Variants in GBF1 observed in about 807,000 individuals in gnomAD.
The protein encoded by GBF1 is golgi brefeldin A resistant guanine nucleotide exchange factor 1.
A neutral mutation model predicts 210.5 loss-of-function variants in GBF1; 114 were observed. The ratio of observed to expected loss-of-function variants is 0.54; its 90% CI spans 0.47 to 0.63. The LOEUF is 0.63. GBF1 is among the 30% of genes least tolerant of loss of function. The pLI, the probability that GBF1 is intolerant of heterozygous loss-of-function variation, is 0.00. For synonymous variants in GBF1, 850 were observed against 889.2 expected (o/e 0.96, Z 0.78); for missense variants, 1,851 against 2,357.7 (o/e 0.79, Z 4.45).
rs1464443059 is a variant in GBF1, at chr10:102,366,837, C to T, written c.2434-248C>T. On this transcript the variant is annotated intron_variant, in intron 19 of 39. Transcript: ENST00000369983. The surrounding 1 kb of genome is among the most constrained non-coding windows in gnomAD (Gnocchi z 4.0). ...CTGATCTCGGGTGATCCGCCCACCT[C>T]GGCCTCCCTGAGTGCTGGGATTACA... is the stretch of plus-strand genomic sequence containing the variant. Among the ~76,000 whole-genome samples, 1 of 152,104 alleles carries T rather than the reference C, an allele frequency of 6.6e-6. No individual in the cohort carries two copies. The highest frequency in any genetic ancestry group is 2.1e-4 in the South Asian group (1 of 4,836).
At chr10:102,297,304 T>C (rs1304339615) in intron 3 of GBF1, among the ~76,000 whole-genome samples, 4 of 152,236 alleles carry the variant, frequency 2.6e-5, no homozygotes, top group Non-Finnish European at 5.9e-5. Context: ...TGTTGCTAAG[T>C]AGCTGTGACA....
intron 11 of GBF1, 47 bp from the exon 12 acceptor site, chr10:102,360,137 G>C (rs745556627): frequency 8.3e-7 from 1 of 1,205,720 alleles, no homozygotes; most frequent in East Asian, 2.3e-5. Context: ...AAAGCCAGCA[G>C]ACTAGTTGTT....
intron 3 of GBF1, among the ~76,000 whole-genome samples, chr10:102,325,689 A>C (rs1285369310): frequency 6.6e-6 from 1 of 151,790 alleles, no homozygotes; most frequent in African/African-American, 2.4e-5. Context: ...TCACTCTGTC[A>C]CCCAGGCTGG....
At chr10:102,361,466 G>A (rs1004407969) in intron 13 of GBF1, among the ~76,000 whole-genome samples, 1 of 152,218 alleles carries the variant, frequency 6.6e-6, no homozygotes, top group African/African-American at 2.4e-5. Flanking sequence ...ACCAGGTCAT[G>A]TTCACATAGC....
At position 102,245,560 on chromosome 10, in the gene GBF1, A is replaced by G. The variant is rs900828433; in HGVS notation, c.-232A>G. 2.6e-5 allele frequency: 4 copies of G among 152,248 alleles called. No individual in the cohort carries two copies. Among genetic ancestry groups the G allele is most frequent in the Admixed American group, 6.5e-5 (1 of 15,290 alleles). The allele number at this position is 152,248 out of a possible 1,614,324, so 9.4% of individuals were successfully genotyped here. On this transcript the variant is annotated 5_prime_UTR_variant, in exon 1 of 40. Transcript: ENST00000369983. The stretch of plus-strand genomic sequence containing the variant: ...TACCACGTCAGTGAGCTGACAGGGA[A>G]GGTACCCGGCTCTACTGCCCGTCCC...
At chr10:102,380,095 G>A (rs527494953) in intron 36 of GBF1, 141 bp downstream of exon 36, 15 of 728,412 alleles carry the variant, frequency 2.1e-5, no homozygotes, top group South Asian at 1.9e-4. Context: ...CAGGACCTAG[G>A]GACCTGAGAG....
chr10:102,338,118 C>T (rs1347181647), intron 3 of GBF1, among the ~76,000 whole-genome samples: 1 of 151,614 alleles, frequency 6.6e-6, no homozygotes, highest in Non-Finnish European at 1.5e-5. Context: ...CTGGTGGGCT[C>T]ATTAAAAAGT....
intron 29 of GBF1, among the ~76,000 whole-genome samples, chr10:102,375,103 G>A (rs771891184): frequency 3.3e-5 from 5 of 151,776 alleles, no homozygotes; most frequent in African/African-American, 4.8e-5. Flanking sequence ...GAGCCCAGGA[G>A]TTTCAGGTTG....
intron 3 of GBF1, among the ~76,000 whole-genome samples, chr10:102,283,155 A>G (rs1460152490): frequency 6.6e-6 from 1 of 152,238 alleles, no homozygotes; most frequent in African/African-American, 2.4e-5. Context: ...ACTTCAACCT[A>G]AGATGACAGA....
the GBF1 span, among the ~76,000 whole-genome samples, chr10:102,240,063 A>G: frequency 3.3e-5 from 5 of 152,216 alleles, no homozygotes; most frequent in Non-Finnish European, 5.9e-5. Flanking sequence ...TGCTTTGCTA[A>G]TGGGGCTGTA....
At chr10:102,260,307 A>G (rs1026936717) in intron 3 of GBF1, among the ~76,000 whole-genome samples, 191 bp downstream of exon 3, 1 of 151,950 alleles carries the variant, frequency 6.6e-6, no homozygotes, top group African/African-American at 2.4e-5. Flanking sequence ...TATATAAATA[A>G]ATGAGAAATA....
intron 3 of GBF1, among the ~76,000 whole-genome samples, chr10:102,332,193 T>C (rs1354653184): frequency 1.3e-5 from 2 of 152,014 alleles, no homozygotes; most frequent in East Asian, 3.9e-4. Context: ...CTAGATTACT[T>C]GTAATGCCTA....
In GBF1 at chr10:102,382,479, AT is replaced by A. The variant is rs1373561140; in HGVS notation, c.*144del. On this transcript the variant is annotated 3_prime_UTR_variant, in exon 40 of 40. Transcript: ENST00000369983. ...CTTGGATGGGGACCTGAAAAAGAGA[AT>A]GTTGATAGCCCCAGCTAAGACCCCC... The A allele has an allele frequency of 4.4e-6, 3 of 681,292 alleles. No homozygotes were observed. Among genetic ancestry groups the A allele is most frequent in the Non-Finnish European group, 7.3e-6 (3 of 412,970 alleles). The allele number at this position is 681,292 out of a possible 1,614,324, so 42.2% of individuals were successfully genotyped here.
chr10:102,382,022 G>C (rs747043012), intron 39 of GBF1, 34 bp from the exon 40 acceptor site: 1 of 1,512,582 alleles, frequency 6.6e-7, no homozygotes, highest in South Asian at 1.3e-5. Context: ...ACCAACAAGG[G>C]AATCTGACTG....
intron 3 of GBF1, among the ~76,000 whole-genome samples, chr10:102,335,436 T>A (rs2057663083): frequency 6.6e-6 from 1 of 152,216 alleles, no homozygotes; most frequent in South Asian, 2.1e-4. Context: ...ATGAGCAGAA[T>A]CATGGCACTT....
At chr10:102,342,393 A>ACACACACACACACACT (rs1334610916) in intron 3 of GBF1, among the ~76,000 whole-genome samples, 1 of 151,430 alleles carries the variant, frequency 6.6e-6, no homozygotes, top group Admixed American at 6.6e-5. Context: ...ACACACGCAC[A>ACACACACACACACACT]CACACACACA....
At position 102,360,279 on chromosome 10, in the gene GBF1, G is replaced by T; in HGVS notation, c.1276G>T (p.Val426Phe). The T allele has an allele frequency of 6.2e-7, 1 of 1,613,868 alleles. No individual in the cohort carries two copies. Among genetic ancestry groups the T allele is most frequent in the Non-Finnish European group, 8.5e-7 (1 of 1,179,788 alleles). Reference sequence around the variant, plus strand: ...TCCACACGACCGCCATAACTCAGAGGTTATGATTCACATGGGACTGCATTT... The same window carrying T: ...TCCACACGACCGCCATAACTCAGAGTTTATGATTCACATGGGACTGCATTT... ...TNPHDRHNSE[V>F]MIHMGLHLLT... The change falls in exon 12 of 40, where the codon GTT (valine) becomes TTT (phenylalanine). Residue 426 changes from valine (V) to phenylalanine (F), a missense_variant. This residue lies in a region of GBF1 where 804 missense variants were observed against 958.6 expected (regional missense o/e 0.84). Transcript: ENST00000369983.
chr10:102,259,094 T>A, intron 2 of GBF1, 60 bp downstream of exon 2: 1 of 859,602 alleles, frequency 1.2e-6, no homozygotes, highest in African/African-American at 1.7e-5. Context: ...TCTGTTGGCA[T>A]GGTTAAAAGA....
chr10:102,258,371 G>A (rs1217963286), intron 1 of GBF1, among the ~76,000 whole-genome samples: 1 of 150,526 alleles, frequency 6.6e-6, no homozygotes, highest in Non-Finnish European at 1.5e-5. Flanking sequence ...GGTCAGGCTG[G>A]TCTTGAGCTC....
Sources: gnomAD v4.1 joint callset for allele counts (sites outside exome capture counted in the v4.1 genomes callset) on GRCh38, gnomAD v4.1.1 for gene constraint, gnomAD v4.1.1 regional missense constraint, Gnocchi (gnomAD v3.1) non-coding constraint, MANE v1.5 for transcripts, NCBI Gene and HGNC (gene_info 2026-07-23, HGNC 2026-07-21) for gene names.